Variants in NLGN1 observed in about 807,000 individuals in gnomAD.
The protein encoded by NLGN1 is neuroligin-1.
NLGN1 carries 12 observed loss-of-function variants against 65.5 expected under a neutral mutation model. The ratio of observed to expected loss-of-function variants is 0.18; its 90% CI spans 0.12 to 0.30. The LOEUF (loss-of-function observed/expected upper bound fraction) is 0.30, where lower values mean the gene tolerates loss of function less well. Among genes scored for constraint, NLGN1 ranks in the 10% least tolerant of loss-of-function variants. The pLI is 1.00. For synonymous variants in NLGN1, 350 were observed against 359.5 expected (o/e 0.97, Z 0.30); for missense variants, 750 against 1,007.1 (o/e 0.74, Z 3.46).
chr3:174,165,209 C>T (rs1389068183), intron 4 of NLGN1, among the ~76,000 whole-genome samples: 1 of 151,748 alleles, frequency 6.6e-6, no homozygotes, highest in Non-Finnish European at 1.5e-5. Flanking sequence ...TTGTCTGATT[C>T]CTCTGGCTAG....
chr3:173,793,236 A>T (rs531875067), intron 3 of NLGN1, among the ~76,000 whole-genome samples: 2 of 152,278 alleles, frequency 1.3e-5, no homozygotes, highest in African/African-American at 4.8e-5. Context: ...ACAATAATTC[A>T]ATCGTGGTAA....
intron 2 of NLGN1, among the ~76,000 whole-genome samples, chr3:173,530,985 T>A (rs1736470994): frequency 6.6e-6 from 1 of 152,194 alleles, no homozygotes; most frequent in South Asian, 2.1e-4. Context: ...CTGAAGCTTT[T>A]AAAATCGTTC....
At chr3:173,581,287 G>A (rs963887282) in intron 2 of NLGN1, among the ~76,000 whole-genome samples, 1 of 151,948 alleles carries the variant, frequency 6.6e-6, no homozygotes, top group Non-Finnish European at 1.5e-5. Context: ...CCTAGTGATT[G>A]TGAAATGAGA....
chr3:174,108,127 A>G (rs1301353476), intron 4 of NLGN1, among the ~76,000 whole-genome samples: 1 of 151,998 alleles, frequency 6.6e-6, no homozygotes, highest in African/African-American at 2.4e-5. Context: ...TCACAGAGCA[A>G]TTTTTTAAAA....
intron 2 of NLGN1, among the ~76,000 whole-genome samples, chr3:173,563,250 C>T (rs1743069338): frequency 6.6e-6 from 1 of 152,218 alleles, no homozygotes; most frequent in African/African-American, 2.4e-5. Context: ...TGTGCTTGCT[C>T]ATAGTATTTT....
intron 3 of NLGN1, among the ~76,000 whole-genome samples, chr3:173,803,415 A>G (rs935554025): frequency 2.0e-5 from 3 of 152,056 alleles, no homozygotes; most frequent in Non-Finnish European, 4.4e-5. Flanking sequence ...AATCAGGAGT[A>G]GGAGACAAGA....
At chr3:173,765,392 A>G (rs1382800821) in intron 3 of NLGN1, among the ~76,000 whole-genome samples, 3 of 152,152 alleles carry the variant, frequency 2.0e-5, no homozygotes, top group South Asian at 2.1e-4. Context: ...AACCAATGAT[A>G]CTTTATCTGG....
At chr3:174,293,404 C>A in the NLGN1 span, among the ~76,000 whole-genome samples, 155 of 151,360 alleles carry the variant, frequency 1.0e-3, no homozygotes, top group African/African-American at 3.6e-3. Flanking sequence ...ATGTTGCAGA[C>A]TTAAAGAACA....
intron 3 of NLGN1, among the ~76,000 whole-genome samples, chr3:173,715,557 A>G (rs1769710133): frequency 6.6e-6 from 1 of 152,160 alleles, no homozygotes; most frequent in Non-Finnish European, 1.5e-5. Context: ...ATTTCTATGT[A>G]TCAGGAGGAA....
At chr3:173,829,538 T>C (rs1041901891) in intron 4 of NLGN1, among the ~76,000 whole-genome samples, 2 of 128,136 alleles carry the variant, frequency 1.6e-5, no homozygotes, top group Admixed American at 8.3e-5. Context: ...TAAAATTTCA[T>C]GTGTGGAGTG....
At chr3:174,146,921 T>C (rs1723390205) in intron 4 of NLGN1, among the ~76,000 whole-genome samples, 1 of 152,198 alleles carries the variant, frequency 6.6e-6, no homozygotes, top group Non-Finnish European at 1.5e-5. Flanking sequence ...TAATATATAG[T>C]ATACCATTCT....
At chr3:174,174,579 AT>A (rs1392296954) in intron 4 of NLGN1, among the ~76,000 whole-genome samples, 7 of 152,034 alleles carry the variant, frequency 4.6e-5, no homozygotes, top group African/African-American at 1.4e-4. Context: ...ATCATTAGTG[AT>A]GTTGAGCATT....
chr3:173,979,575 A>G (rs536940762), intron 4 of NLGN1, among the ~76,000 whole-genome samples: 1 of 152,228 alleles, frequency 6.6e-6, no homozygotes, highest in African/African-American at 2.4e-5. Context: ...CACCAATGAG[A>G]CTGACAACAG....
At chr3:173,711,725 A>G (rs986730514) in intron 3 of NLGN1, among the ~76,000 whole-genome samples, 1 of 152,132 alleles carries the variant, frequency 6.6e-6, no homozygotes, top group Non-Finnish European at 1.5e-5. Context: ...TTGGCTGCTT[A>G]TGCTTGTTAC....
chr3:174,159,354 A>G (rs1726069291), intron 4 of NLGN1, among the ~76,000 whole-genome samples: 1 of 151,814 alleles, frequency 6.6e-6, no homozygotes, highest in Non-Finnish European at 1.5e-5. Context: ...CCCAGGAAAT[A>G]TCAATTTGTG....
At chr3:173,573,915 T>C (rs1745056082) in intron 2 of NLGN1, among the ~76,000 whole-genome samples, 1 of 151,296 alleles carries the variant, frequency 6.6e-6, no homozygotes, top group Non-Finnish European at 1.5e-5. Context: ...TACAAAAAAT[T>C]AGCCGGGCGT....
intron 4 of NLGN1, among the ~76,000 whole-genome samples, chr3:174,251,800 A>C (rs1388332662): frequency 6.6e-6 from 1 of 152,222 alleles, no homozygotes; most frequent in Non-Finnish European, 1.5e-5. Flanking sequence ...TGCAACACAG[A>C]CAAAAAAAGA....
chr3:173,770,708 G>A (rs1484101671), intron 3 of NLGN1, among the ~76,000 whole-genome samples: 1 of 151,970 alleles, frequency 6.6e-6, no homozygotes, highest in African/African-American at 2.4e-5. Flanking sequence ...TCAATGTATC[G>A]ACCTTTCAAA....
At chr3:174,133,516 T>C (rs762168042) in intron 4 of NLGN1, among the ~76,000 whole-genome samples, 11 of 152,152 alleles carry the variant, frequency 7.2e-5, no homozygotes, top group African/African-American at 1.7e-4. Flanking sequence ...TTAAATCAGA[T>C]ACAATTTTGG....
Sources: gnomAD v4.1 joint callset for allele counts (sites outside exome capture counted in the v4.1 genomes callset) on GRCh38, gnomAD v4.1.1 for gene constraint, MANE v1.5 for transcripts, NCBI Gene and HGNC (gene_info 2026-07-23, HGNC 2026-07-21) for gene names.